The following ERICH1 variants were observed in gnomAD, a reference collection of about 807,000 sequenced individuals.
ERICH1 encodes glutamate rich 1, also known as glutamate-rich protein 1.
ERICH1 carries 56 observed loss-of-function variants against 39.6 expected under a neutral mutation model. That is an observed-to-expected ratio of 1.41 (90% CI 1.14 to 1.77). The LOEUF (loss-of-function observed/expected upper bound fraction) is 1.77. ERICH1 is among the 40% of genes most tolerant of loss of function. The pLI, the probability that ERICH1 is intolerant of heterozygous loss-of-function variation, is 0.00. For synonymous variants in ERICH1, 313 were observed against 223.6 expected (o/e 1.40, Z -3.57); for missense variants, 826 against 575.4 (o/e 1.44, Z -4.45).
chr8:630,088 AG>A (rs1797895712), intron 3 of ERICH1, among the ~76,000 whole-genome samples: 8 of 117,666 alleles, frequency 6.8e-5, no homozygotes, highest in Admixed American at 8.3e-5. Flanking sequence ...GCACCCACAC[AG>A]ACAGAGCTGA....
rs1188348059 is a variant in ERICH1 at position 645,194 on chromosome 8, G to C, written c.976+23404C>G. 2.9e-5 allele frequency among the ~76,000 whole-genome samples: 2 copies of C among 68,026 alleles called. 1 individual carries two copies. The highest frequency in any genetic ancestry group is 9.2e-5 in the Non-Finnish European group (2 of 21,794). The allele number at this position is 68,026 out of a possible 152,430, so 44.6% of individuals were successfully genotyped here. On this transcript the variant is annotated intron_variant, in intron 3 of 3. Coordinates refer to the ERICH1 transcript ENST00000522706. Reference sequence around the variant, plus strand: ...GACCCCTTTCCCTCGGCTGGCACTGGAGTCCGCGTTGAGCTGTGACCGCAG... The same window carrying C: ...GACCCCTTTCCCTCGGCTGGCACTGCAGTCCGCGTTGAGCTGTGACCGCAG...
Position 673,378 on chromosome 8 carries a change from G to T in ERICH1, c.974C>A (p.Ala325Asp), listed in dbSNP as rs548948275. ...ADSGEEDGAD[A>D]SEEDDTITNE... Reference sequence around the variant, plus strand: ...GGTAATTGTATCATCTTCCTCGCTGGCGTCTGCACCGTCCTCCTCCCCGGA... The same window carrying T: ...GGTAATTGTATCATCTTCCTCGCTGTCGTCTGCACCGTCCTCCTCCCCGGA... Residue 325 changes from alanine to aspartate, a missense_variant, in exon 4 of 6, where the codon GCC becomes GAC. Coordinates refer to ENST00000262109, the MANE Select transcript of ERICH1 (RefSeq NM_207332.3). 1 of 1,614,028 alleles carries T rather than the reference G, an allele frequency of 6.2e-7. No homozygotes were observed. The highest frequency in any genetic ancestry group is 1.3e-5 in the African/African-American group (1 of 74,912).
intron 2 of ERICH1, among the ~76,000 whole-genome samples, chr8:701,972 G>A (rs1028662166): frequency 1.3e-5 from 2 of 151,252 alleles, no homozygotes; most frequent in Non-Finnish European, 2.9e-5. Flanking sequence ...CGCTACTCGG[G>A]AGGCTGAGGC....
At chr8:695,466 A>G (rs1429044559) in intron 2 of ERICH1, among the ~76,000 whole-genome samples, 1 of 151,992 alleles carries the variant, frequency 6.6e-6, no homozygotes, top group Non-Finnish European at 1.5e-5. Flanking sequence ...CCTCTGAGAG[A>G]GCACAGCAGC....
chr8:681,971 G>A (rs1585258593), intron 3 of ERICH1, among the ~76,000 whole-genome samples: 1 of 152,156 alleles, frequency 6.6e-6, no homozygotes, highest in East Asian at 1.9e-4. Context: ...AAGAATCCTG[G>A]TGGGTTGTTT....
At chr8:616,241 C>A (rs535265873) in intron 3 of ERICH1, 2 of 258,488 alleles carry the variant, frequency 7.7e-6, no homozygotes, top group African/African-American at 4.5e-5. Flanking sequence ...TCTCTGTGTT[C>A]AAATGGTGTC....
rs1288694763 is a variant in ERICH1 at position 668,582 on chromosome 8, A to G, written c.1258+16T>C. ...GTATCTTAAGCAGGACCTTGAATAA[A>G]TCGTACGGTACTTACCAGGAGGCAT... On this transcript the variant is annotated intron_variant, in intron 5 of 5. Coordinates refer to ENST00000262109, the MANE Select transcript of ERICH1 (RefSeq NM_207332.3). 2 of 1,613,988 alleles carry G rather than the reference A, an allele frequency of 1.2e-6. No homozygotes were observed. Among genetic ancestry groups the G allele is most frequent in the African/African-American group, 2.7e-5 (2 of 74,944 alleles).
chr8:724,965 C>A (rs1013808988), intron 1 of ERICH1, among the ~76,000 whole-genome samples: 1 of 152,222 alleles, frequency 6.6e-6, no homozygotes, highest in Non-Finnish European at 1.5e-5. Flanking sequence ...CCTGCGCCAG[C>A]CACGAAGGAC....
chr8:726,218 G>C (rs1818606900), intron 1 of ERICH1, among the ~76,000 whole-genome samples: 1 of 152,208 alleles, frequency 6.6e-6, no homozygotes, highest in Non-Finnish European at 1.5e-5. Context: ...GACTCCAAGG[G>C]AGAGGCAGGT....
intron 3 of ERICH1, among the ~76,000 whole-genome samples, chr8:627,939 G>T (rs1420334567): frequency 1.2e-4 from 19 of 152,164 alleles, no homozygotes; most frequent in Admixed American, 1.2e-3. Context: ...AGAACACAGG[G>T]GCCGGGGGGG....
chr8:652,061 G>T (rs750941438), intron 3 of ERICH1, among the ~76,000 whole-genome samples: 1 of 152,158 alleles, frequency 6.6e-6, no homozygotes. Flanking sequence ...GAGCGTTTGC[G>T]GGCGCTGGGG....
At chr8:723,232 G>A (rs903377804) in intron 1 of ERICH1, among the ~76,000 whole-genome samples, 1 of 152,206 alleles carries the variant, frequency 6.6e-6, no homozygotes, top group Non-Finnish European at 1.5e-5. Context: ...AATGGGTGCT[G>A]GCGCCATGCT....
intron 3 of ERICH1, among the ~76,000 whole-genome samples, chr8:624,796 GGCTCACTGCAAGCTCT>G (rs1269918434): frequency 6.6e-6 from 1 of 151,708 alleles, no homozygotes; most frequent in Non-Finnish European, 1.5e-5. Flanking sequence ...GCACGATCTC[GGCTCACTGCAAGCTCT>G]GCCTCCCGGG....
At chr8:694,334 A>G (rs187843542) in intron 2 of ERICH1, among the ~76,000 whole-genome samples, 64 of 152,358 alleles carry the variant, frequency 4.2e-4, no homozygotes, top group Admixed American at 4.1e-3. Flanking sequence ...CCTACTGGGT[A>G]AATCAACATT....
chr8:673,140 T>G, intron 4 of ERICH1, 149 bp downstream of exon 4: 1 of 995,662 alleles, frequency 1.0e-6, no homozygotes, highest in Non-Finnish European at 1.4e-6. Context: ...ACATTGAATA[T>G]TTTTTACTTA....
intron 4 of ERICH1, among the ~76,000 whole-genome samples, chr8:669,876 G>A (rs543895165): frequency 2.6e-5 from 4 of 152,314 alleles, no homozygotes; most frequent in Admixed American, 6.5e-5. Flanking sequence ...TGGTTTCGGC[G>A]TTAACCCTGC....
chr8:664,114 A>G, downstream of ERICH1: 1 of 501,254 alleles, frequency 2.0e-6, no homozygotes, highest in Non-Finnish European at 2.6e-6. Context: ...CTTCTATGAC[A>G]GAAAAGAAAA....
At chr8:678,708 T>G (rs1434056031) in intron 3 of ERICH1, among the ~76,000 whole-genome samples, 1 of 152,146 alleles carries the variant, frequency 6.6e-6, no homozygotes, top group African/African-American at 2.4e-5. Flanking sequence ...CTCCGGAGGC[T>G]GAGGCAGAAG....
chr8:618,836 C>G (rs551853193), intron 3 of ERICH1, among the ~76,000 whole-genome samples: 9 of 152,044 alleles, frequency 5.9e-5, no homozygotes, highest in Admixed American at 5.2e-4. Flanking sequence ...AACGCCTGAC[C>G]GAGTTGGAGA....
Sources: allele counts gnomAD v4.1 joint callset (sites outside exome capture counted in the v4.1 genomes callset), GRCh38; gene constraint gnomAD v4.1.1; transcripts MANE v1.5; gene names NCBI Gene and HGNC (gene_info 2026-07-23, HGNC 2026-07-21).